Variants in RAD51 observed in about 807,000 individuals in gnomAD.
RAD51 encodes DNA repair protein RAD51 homolog 1.
RAD51 carries 14 observed loss-of-function variants against 41.5 expected under a neutral mutation model. The ratio of observed to expected loss-of-function variants is 0.34; its 90% confidence interval spans 0.22 to 0.53. RAD51 has a LOEUF of 0.53. RAD51 is among the 20% of genes least tolerant of loss of function. The pLI, the probability that RAD51 is intolerant of heterozygous loss-of-function variation, is 0.95. For synonymous variants in RAD51, 136 were observed against 148.6 expected (o/e 0.92, Z 0.62); for missense variants, 234 against 422.0 (o/e 0.55, Z 3.90).
Position 40,729,966 on chromosome 15 carries a change from A to C in RAD51, c.888A>C (p.Ser296=), listed in dbSNP as rs1317478602. The change falls in exon 9 of 10, where the codon TCA becomes TCC. Residue 296 remains serine, a synonymous_variant. Coordinates refer to ENST00000267868, the MANE Select transcript of RAD51 (RefSeq NM_002875.5). The part of the protein sequence containing the change: ...PIGGNIIAHA[S]TTRLYLRKGR... ...GAGGAAATATCATCGCCCATGCATC[A>C]ACAACCAGGTAAGGTGTTGATGGGA... 1 of 1,614,210 alleles carries C rather than the reference A, an allele frequency of 6.2e-7. No individual in the cohort carries two copies. Among genetic ancestry groups the C allele is most frequent in the East Asian group, 2.2e-5 (1 of 44,892 alleles).
At position 40,723,108 on chromosome 15, in the gene RAD51, C is replaced by G. The variant is rs79789804; in HGVS notation, c.530+4209C>G. Among the ~76,000 whole-genome samples the G allele has an allele frequency of 3.6e-3, 552 of 152,194 alleles. 4 individuals carry two copies. The highest frequency in any genetic ancestry group is 6.0e-3 in the Non-Finnish European group (409 of 67,996). On this transcript the variant is annotated intron_variant, in intron 6 of 9. Coordinates refer to ENST00000267868, the MANE Select transcript of RAD51 (RefSeq NM_002875.5). ...GTTGATGAGCACATAAAAAGATGCTCAACATCATTAGTCATCAGGAAAATG... is the reference window on the plus strand; with the variant it reads ...GTTGATGAGCACATAAAAAGATGCTGAACATCATTAGTCATCAGGAAAATG...
chr15:40,709,371 C>CTTTTT (rs772005920), intron 5 of RAD51, among the ~76,000 whole-genome samples: 9 of 110,888 alleles, frequency 8.1e-5, no homozygotes, highest in East Asian at 2.8e-4. Context: ...TTACTTGCTA[C>CTTTTT]TTTTTTTTTT....
At chr15:40,724,674 C>CTTTTTTTT (rs869156620) in intron 6 of RAD51, among the ~76,000 whole-genome samples, 6 of 94,344 alleles carry the variant, frequency 6.4e-5, no homozygotes, top group Non-Finnish European at 9.4e-5. Context: ...TTTTTTATTT[C>CTTTTTTTT]TTTTTTTTTT....
intron 6 of RAD51, among the ~76,000 whole-genome samples, chr15:40,725,230 C>G (rs548771655): frequency 1.1e-4 from 16 of 152,168 alleles, no homozygotes; most frequent in African/African-American, 3.9e-4. Flanking sequence ...TGAGGTCTTG[C>G]TGTGTTGCCC....
intron 3 of RAD51, among the ~76,000 whole-genome samples, chr15:40,703,227 A>AGTAAGT (rs576601755): frequency 8.9e-4 from 135 of 152,188 alleles, no homozygotes; most frequent in African/African-American, 3.1e-3. Flanking sequence ...TTTCATACGA[A>AGTAAGT]GTAAGTGTCT....
At chr15:40,729,443 G>C (rs1896759246) in intron 7 of RAD51, 62 bp from the exon 8 acceptor site, 1 of 1,568,972 alleles carries the variant, frequency 6.4e-7, no homozygotes, top group South Asian at 1.1e-5. Flanking sequence ...AGGGTGGTAA[G>C]GAAGGGACCA....
intron 6 of RAD51, among the ~76,000 whole-genome samples, chr15:40,723,909 T>C (rs1160736682): frequency 6.6e-6 from 1 of 152,220 alleles, no homozygotes; most frequent in Non-Finnish European, 1.5e-5. Flanking sequence ...CTTCTTTTCC[T>C]TTGTCTAGGG....
At chr15:40,724,786 C>T (rs1363271454) in intron 6 of RAD51, among the ~76,000 whole-genome samples, 1 of 146,244 alleles carries the variant, frequency 6.8e-6, no homozygotes, top group Non-Finnish European at 1.5e-5. Context: ...TCACGCCATT[C>T]TCCTGCCTCA....
chr15:40,704,674 T>G (rs1895223569), intron 3 of RAD51, among the ~76,000 whole-genome samples: 1 of 144,822 alleles, frequency 6.9e-6, no homozygotes. Flanking sequence ...CTACTAATTT[T>G]TTTTTTTTTT....
chr15:40,701,348 T>C (rs1894975210), intron 3 of RAD51, 147 bp downstream of exon 3: 1 of 858,818 alleles, frequency 1.2e-6, no homozygotes, highest in Non-Finnish European at 1.8e-6. Flanking sequence ...CTTTTCTTCT[T>C]TTCTTTTCTT....
At chr15:40,715,852 T>C (rs1488546474) in intron 5 of RAD51, among the ~76,000 whole-genome samples, 1 of 152,226 alleles carries the variant, frequency 6.6e-6, no homozygotes, top group Non-Finnish European at 1.5e-5. Flanking sequence ...TCGTTCATCT[T>C]ATTTCCTGGG....
In RAD51 at chr15:40,729,843, TCC is replaced by T. The variant is rs1896780215; in HGVS notation, c.775-7_775-6del. On this transcript the variant is annotated splice_region_variant and splice_polypyrimidine_tract_variant and intron_variant, in intron 8 of 9. Coordinates refer to ENST00000267868, the MANE Select transcript of RAD51 (RefSeq NM_002875.5). ...GGCCACAAAATTGACATTTATCCTTTCCCCATCAGTTTGGTGTAGCAGTGGTA... is the reference window on the plus strand; with the variant it reads ...GGCCACAAAATTGACATTTATCCTTTCCATCAGTTTGGTGTAGCAGTGGTA... The T allele has an allele frequency of 6.2e-7, 1 of 1,614,070 alleles. No homozygotes were observed. The highest frequency in any genetic ancestry group is 1.3e-5 in the African/African-American group (1 of 74,926).
intron 1 of RAD51, among the ~76,000 whole-genome samples, chr15:40,696,201 G>GT (rs1178683163): frequency 1.3e-5 from 2 of 151,898 alleles, no homozygotes; most frequent in Non-Finnish European, 2.9e-5. Flanking sequence ...TTGTTTGTTT[G>GT]TTTTTAACTT....
At chr15:40,712,872 CTTTTCTTTT>C (rs1895776049) in intron 5 of RAD51, among the ~76,000 whole-genome samples, 1 of 89,364 alleles carries the variant, frequency 1.1e-5, no homozygotes, top group African/African-American at 4.3e-5. Flanking sequence ...TTTTTCTTTT[CTTTTCTTTT>C]TTTTTTTTTT....
Position 40,701,139 on chromosome 15 carries a change from G to A in RAD51, c.163G>A (p.Ala55Thr). The A allele has an allele frequency of 1.2e-6, 2 of 1,614,198 alleles. No homozygotes were observed. Among genetic ancestry groups the A allele is most frequent in the Non-Finnish European group, 1.7e-6 (2 of 1,180,030 alleles). ...CCATACTGTGGAGGCTGTTGCCTAT[G>A]CGCCAAAGAAGGAGCTAATAAATAT... ...GFHTVEAVAY[A>T]PKKELINIKG... The change falls in exon 3 of 10, where the codon GCG becomes ACG. Residue 55 changes from alanine to threonine, a missense_variant. Coordinates refer to ENST00000267868, the MANE Select transcript of RAD51 (RefSeq NM_002875.5).
intron 6 of RAD51, among the ~76,000 whole-genome samples, chr15:40,721,878 G>A (rs1235750408): frequency 2.0e-5 from 3 of 152,132 alleles, no homozygotes; most frequent in African/African-American, 2.4e-5. Flanking sequence ...CTTGGACAGC[G>A]ATGTTCATAG....
intron 1 of RAD51, among the ~76,000 whole-genome samples, chr15:40,696,871 CAT>C (rs950008236): frequency 6.6e-6 from 1 of 152,066 alleles, no homozygotes; most frequent in African/African-American, 2.4e-5. Flanking sequence ...GACATCTGTT[CAT>C]ATGTTTTTGC....
intron 5 of RAD51, among the ~76,000 whole-genome samples, chr15:40,716,586 G>A (rs550485346): frequency 1.3e-5 from 2 of 150,562 alleles, no homozygotes; most frequent in East Asian, 1.9e-4. Context: ...GGCTGGTCTC[G>A]AACTCCTGAC....
Position 40,709,011 on chromosome 15 carries a change from T to C in RAD51, c.344-14T>C, listed in dbSNP as rs374138316. ...TTGTATTATGCTAAGAGTTATTTCT[T>C]ATCGCTTTTTTAGGTGGAATTGAGA... On this transcript the variant is annotated splice_polypyrimidine_tract_variant and intron_variant, in intron 4 of 9. Transcript: ENST00000267868. The C allele has an allele frequency of 1.2e-6, 2 of 1,601,898 alleles. No homozygotes were observed. Among genetic ancestry groups the C allele is most frequent in the African/African-American group, 1.3e-5 (1 of 74,776 alleles).
Sources: allele counts gnomAD v4.1 joint callset (sites outside exome capture counted in the v4.1 genomes callset), GRCh38; gene constraint gnomAD v4.1.1; transcripts MANE v1.5; gene names NCBI Gene and HGNC (gene_info 2026-07-23, HGNC 2026-07-21).